Variants in ADGRB3 observed in about 807,000 individuals in gnomAD.
ADGRB3 encodes brain-specific angiogenesis inhibitor 3.
Under a neutral mutation model 193.4 loss-of-function variants are expected in ADGRB3, and 37 were observed. That is an observed-to-expected ratio of 0.19 (90% CI 0.15 to 0.25). ADGRB3 has a LOEUF of 0.25. ADGRB3 is among the 10% of genes least tolerant of loss of function. The probability of loss-of-function intolerance (pLI) is 1.00; values close to 1 mark genes in which losing one functional copy is unlikely to be tolerated. For synonymous variants in ADGRB3, 690 were observed against 644.2 expected (o/e 1.07, Z -1.08); for missense variants, 1,637 against 1,852.9 (o/e 0.88, Z 2.14).
chr6:69,137,119 G>C (rs1470674526), intron 17 of ADGRB3, among the ~76,000 whole-genome samples: 1 of 127,342 alleles, frequency 7.9e-6, no homozygotes, highest in Non-Finnish European at 1.6e-5. Context: ...AATTAAAATA[G>C]ATGACCAGTG....
intron 3 of ADGRB3, among the ~76,000 whole-genome samples, chr6:68,798,221 A>G (rs1416510391): frequency 6.6e-6 from 1 of 152,234 alleles, no homozygotes; most frequent in Non-Finnish European, 1.5e-5. Flanking sequence ...CATAGTTTAT[A>G]GAAGTGTATT....
chr6:68,660,124 A>T (rs1346270595), intron 3 of ADGRB3, among the ~76,000 whole-genome samples: 3 of 150,884 alleles, frequency 2.0e-5, no homozygotes, highest in Non-Finnish European at 3.0e-5. Flanking sequence ...GGCAATAAAC[A>T]ATATTATAGT....
intron 17 of ADGRB3, among the ~76,000 whole-genome samples, chr6:69,175,296 A>T (rs989150621): frequency 6.6e-6 from 1 of 152,250 alleles, no homozygotes; most frequent in Admixed American, 6.5e-5. Flanking sequence ...TGTTTAACCC[A>T]TCTTGAGTCG....
intron 3 of ADGRB3, among the ~76,000 whole-genome samples, chr6:68,669,604 TTGTGTGTG>T (rs59849376): frequency 0.049 from 6,597 of 134,680 alleles, 304 homozygotes; most frequent in African/African-American, 0.12. Context: ...TAATACTCCA[TTGTGTGTG>T]TGTGTGTGTG....
chr6:69,239,645 C>A (rs1299243016), intron 20 of ADGRB3, among the ~76,000 whole-genome samples: 1 of 151,954 alleles, frequency 6.6e-6, no homozygotes, highest in African/African-American at 2.4e-5. Context: ...ACAAGTGTAA[C>A]ATCTCTCTTG....
At chr6:69,163,815 G>A (rs547228545) in intron 17 of ADGRB3, among the ~76,000 whole-genome samples, 30 of 152,240 alleles carry the variant, frequency 2.0e-4, no homozygotes, top group African/African-American at 7.0e-4. Flanking sequence ...AAAACCCACT[G>A]ATTCTTTGTA....
At position 68,659,185 on chromosome 6, in the gene ADGRB3, ACACT is replaced by A. The variant is rs1354252454; in HGVS notation, c.757+19756_757+19759del. Among the ~76,000 whole-genome samples the A allele has an allele frequency of 3.3e-5, 5 of 151,192 alleles. No individual in the cohort carries two copies. The East Asian group carries it at 9.7e-4, about 29-fold the overall frequency. Reference sequence around the variant, plus strand: ...TTGTGCTATTTTCTTAATTGTGGTAACACTCAATTACTGAAAATCAAGCTGATGC... The same window carrying A: ...TTGTGCTATTTTCTTAATTGTGGTAACAATTACTGAAAATCAAGCTGATGC... On this transcript the variant is annotated intron_variant, in intron 3 of 31. Transcript: ENST00000370598.
chr6:69,236,380 A>T (rs1414917787), intron 19 of ADGRB3, among the ~76,000 whole-genome samples: 1 of 151,998 alleles, frequency 6.6e-6, no homozygotes, highest in African/African-American at 2.4e-5. Context: ...CTGATAAAAT[A>T]TGTCCAGCTC....
intron 20 of ADGRB3, among the ~76,000 whole-genome samples, chr6:69,276,377 C>T (rs1450775734): frequency 6.6e-6 from 1 of 152,092 alleles, no homozygotes; most frequent in African/African-American, 2.4e-5. Context: ...GGAGACATTC[C>T]AAGAAGTTTT....
At position 68,788,161 on chromosome 6, in the gene ADGRB3, C is replaced by T. The variant is rs182711688; in HGVS notation, c.758-142398C>T. Among the ~76,000 whole-genome samples, 276 of 152,208 alleles carry T rather than the reference C, an allele frequency of 1.8e-3. 3 individuals are homozygous for T. The highest frequency in any genetic ancestry group is 6.4e-3 in the African/African-American group (266 of 41,522). On this transcript the variant is annotated intron_variant, in intron 3 of 31. Coordinates refer to ENST00000370598, the MANE Select transcript of ADGRB3 (RefSeq NM_001704.3). ...TTTTGTGTCTCTATTTCCTTCGGTT[C>T]TGCTCTGATCTTAATTATTTCTTGC...
intron 17 of ADGRB3, among the ~76,000 whole-genome samples, chr6:69,226,068 G>A (rs1457002166): frequency 1.3e-5 from 2 of 152,046 alleles, no homozygotes; most frequent in Non-Finnish European, 2.9e-5. Context: ...AAAAAAAGAT[G>A]TTACTGGCAA....
intron 24 of ADGRB3, among the ~76,000 whole-genome samples, chr6:69,337,811 G>A (rs1299963633): frequency 1.3e-5 from 2 of 152,194 alleles, no homozygotes; most frequent in Middle Eastern, 3.4e-3. Flanking sequence ...ATAAACCAGA[G>A]TTCTAAATTA....
At chr6:68,787,680 G>A (rs1181785134) in intron 3 of ADGRB3, among the ~76,000 whole-genome samples, 3 of 152,160 alleles carry the variant, frequency 2.0e-5, no homozygotes, top group Non-Finnish European at 4.4e-5. Flanking sequence ...AAATGAGTTA[G>A]GGAGGATTCC....
chr6:69,009,099 G>C (rs1029695081), intron 11 of ADGRB3, among the ~76,000 whole-genome samples: 5 of 152,104 alleles, frequency 3.3e-5, no homozygotes, highest in African/African-American at 2.4e-5. Context: ...GTTTTAAATA[G>C]TTGAGTATTT....
intron 17 of ADGRB3, among the ~76,000 whole-genome samples, chr6:69,155,269 A>G (rs903887833): frequency 2.6e-5 from 4 of 152,190 alleles, no homozygotes; most frequent in Admixed American, 6.5e-5. Context: ...ACATCTCCCC[A>G]AATACTACTT....
At position 69,304,797 on chromosome 6, in the gene ADGRB3, G is replaced by T. The variant is rs757346794; in HGVS notation, c.2815-20075G>T. ...AGAGTAATGGTAGTTATTTCTATTG[G>T]CATTCTTTGTTTTCAAGGGAGGTAC... On this transcript the variant is annotated intron_variant, in intron 20 of 31. Coordinates refer to ENST00000370598, the MANE Select transcript of ADGRB3 (RefSeq NM_001704.3). 5.9e-5 allele frequency among the ~76,000 whole-genome samples: 9 copies of T among 151,268 alleles called. 1 individual carries two copies. Among genetic ancestry groups the T allele is most frequent in the Non-Finnish European group, 1.0e-4 (7 of 67,822 alleles).
chr6:69,193,203 T>C (rs1765231098), intron 17 of ADGRB3, among the ~76,000 whole-genome samples: 1 of 152,140 alleles, frequency 6.6e-6, no homozygotes, highest in Non-Finnish European at 1.5e-5. Context: ...TCTCCAAGTG[T>C]AGTCATGCCT....
chr6:68,911,362 A>G (rs1766704670), intron 3 of ADGRB3, among the ~76,000 whole-genome samples: 1 of 152,228 alleles, frequency 6.6e-6, no homozygotes, highest in African/African-American at 2.4e-5. Context: ...GCACATGTAT[A>G]CGTATGTAAC....
intron 3 of ADGRB3, among the ~76,000 whole-genome samples, chr6:68,901,390 G>A (rs1425982116): frequency 6.6e-6 from 1 of 152,066 alleles, no homozygotes; most frequent in Non-Finnish European, 1.5e-5. Flanking sequence ...CAGTTAGAGA[G>A]AACATTCAAG....
Sources: allele counts gnomAD v4.1 joint callset (sites outside exome capture counted in the v4.1 genomes callset), GRCh38; gene constraint gnomAD v4.1.1; transcripts MANE v1.5; gene names NCBI Gene and HGNC (gene_info 2026-07-23, HGNC 2026-07-21).